The following DMXL1 variants were observed in gnomAD, a reference collection of about 807,000 sequenced individuals.
DMXL1 encodes the protein dmX-like protein 1.
DMXL1 carries 99 observed loss-of-function variants against 319.2 expected under a neutral mutation model. The ratio of observed to expected loss-of-function variants is 0.31; its 90% CI spans 0.26 to 0.37. DMXL1 has a LOEUF of 0.37. Among genes scored for constraint, DMXL1 ranks in the 10% least tolerant of loss-of-function variants. The probability of loss-of-function intolerance (pLI) is 1.00; values close to 1 mark genes in which losing one functional copy is unlikely to be tolerated. For missense variants in DMXL1, 3,745 were observed against 3,595.6 expected (o/e 1.04, Z -1.06); for synonymous variants, 1,385 against 1,235.2 (o/e 1.12, Z -2.54).
intron 34 of DMXL1, among the ~76,000 whole-genome samples, chr5:119,216,094 CAAAAAAAAAAAAAA>C (rs773591355): frequency 4.0e-4 from 15 of 37,362 alleles, no homozygotes; most frequent in African/African-American, 4.9e-4. Context: ...GCATCCATCT[CAAAAAAAAAAAAAA>C]AAAAAAAAAA....
intron 9 of DMXL1, among the ~76,000 whole-genome samples, chr5:119,124,939 C>G (rs940132219): frequency 1.3e-5 from 2 of 152,108 alleles, no homozygotes; most frequent in Non-Finnish European, 2.9e-5. Flanking sequence ...TAAGATACTT[C>G]TATTAACAGA....
chr5:119,146,131 T>C (rs1020065992), intron 15 of DMXL1, among the ~76,000 whole-genome samples: 12 of 151,942 alleles, frequency 7.9e-5, no homozygotes, highest in Non-Finnish European at 1.2e-4. Context: ...GTCTTTGTGC[T>C]CTAATAATAC....
chr5:119,093,055 T>C (rs796316127), intron 1 of DMXL1, among the ~76,000 whole-genome samples: 49 of 152,370 alleles, frequency 3.2e-4, no homozygotes, highest in African/African-American at 1.0e-3. Context: ...TCAAGTATTA[T>C]GATTTTTACA....
chr5:119,225,833 C>T (rs900381757), intron 38 of DMXL1, among the ~76,000 whole-genome samples: 5 of 151,900 alleles, frequency 3.3e-5, no homozygotes. Flanking sequence ...TATTTTTTAC[C>T]CACAAGTTTA....
intron 38 of DMXL1, among the ~76,000 whole-genome samples, chr5:119,231,370 C>G (rs1045731169): frequency 1.3e-5 from 2 of 152,120 alleles, no homozygotes; most frequent in Admixed American, 1.3e-4. Flanking sequence ...CTACCTGAGG[C>G]CTCTGACTGG....
intron 26 of DMXL1, among the ~76,000 whole-genome samples, chr5:119,176,106 C>G (rs1051472925): frequency 1.4e-4 from 21 of 151,944 alleles, no homozygotes; most frequent in Non-Finnish European, 2.5e-4. Context: ...CATTATTCAG[C>G]AATGTCCTGT....
Position 119,167,807 on chromosome 5 carries a change from G to A in DMXL1, c.5341G>A (p.Glu1781Lys). 6.2e-7 allele frequency: 1 copy of A among 1,613,578 alleles called. No homozygotes were observed. The highest frequency in any genetic ancestry group is 8.5e-7 in the Non-Finnish European group (1 of 1,179,720). The change falls in exon 23 of 44, where the codon GAA becomes AAA. Residue 1781 changes from glutamate to lysine, a missense_variant. Around this residue, in one of 4 missense-constraint regions of DMXL1, gnomAD observed 1,382 missense variants for 1,269.5 expected, o/e 1.09. Transcript: ENST00000539542. ...TCGGAGCATGGCATATTGGATTTTG[G>A]AAGATTATAGTGGTGCTCTGGAAAC... ...FLRSMAYWIL[E>K]DYSGALETLI...
chr5:119,233,694 A>G (rs1231103300), intron 39 of DMXL1, among the ~76,000 whole-genome samples: 6 of 152,152 alleles, frequency 3.9e-5, no homozygotes, highest in Admixed American at 2.6e-4. Context: ...TAATGACCAA[A>G]CGATTATAAG....
rs545254969 is a variant in DMXL1 at position 119,196,621 on chromosome 5, G to A, written c.7543+165G>A. On this transcript the variant is annotated intron_variant, in intron 31 of 43. Transcript: ENST00000539542. ...AAACCAACCATCTGTAAATGTATCCGTCATACTGTTAGGTGCTTGAGGATG... is the reference window on the plus strand; with the variant it reads ...AAACCAACCATCTGTAAATGTATCCATCATACTGTTAGGTGCTTGAGGATG... Among the ~76,000 whole-genome samples, 76 of 148,748 alleles carry A rather than the reference G, an allele frequency of 5.1e-4. 2 individuals carry two copies. In the South Asian group the frequency reaches 0.013, roughly 25 times the overall value.
chr5:119,223,004 C>G lies in DMXL1; in HGVS notation c.8278-1705C>G, dbSNP rs193137336. Among the ~76,000 whole-genome samples the G allele has an allele frequency of 9.3e-4, 140 of 150,038 alleles. 1 individual carries two copies. The highest frequency in any genetic ancestry group is 3.3e-3 in the African/African-American group (136 of 40,812). ...CCCCAGTCACCTTATATTTTATCAT[C>G]TTTATTATCCCTTGCGCTTACCAGT... is the stretch of plus-strand genomic sequence containing the variant. On this transcript the variant is annotated intron_variant, in intron 37 of 43. Transcript: ENST00000539542.
At chr5:119,151,132 G>A (rs946636954) in intron 18 of DMXL1, among the ~76,000 whole-genome samples, 1 of 151,490 alleles carries the variant, frequency 6.6e-6, no homozygotes, top group African/African-American at 2.4e-5. Context: ...TTATAATTTG[G>A]TTTTTAAAAC....
intron 15 of DMXL1, among the ~76,000 whole-genome samples, chr5:119,146,423 C>G (rs1437716694): frequency 6.6e-6 from 1 of 151,758 alleles, no homozygotes; most frequent in Non-Finnish European, 1.5e-5. Context: ...TATGGTTTGG[C>G]CATTGGATAA....
rs1265452902 is a variant in DMXL1 at position 119,202,864 on chromosome 5, C to CATATATAT, written c.7746-444_7746-437dup. 4.0e-5 allele frequency among the ~76,000 whole-genome samples: 3 copies of CATATATAT among 74,310 alleles called. No individual in the cohort carries two copies. In the South Asian group the frequency reaches 1.6e-3, roughly 39 times the overall value. 48.8% of individuals were successfully genotyped at this position (74,310 alleles called of 152,430 possible). On this transcript the variant is annotated intron_variant, in intron 32 of 43. Coordinates refer to ENST00000539542, the MANE Select transcript of DMXL1 (RefSeq NM_001290321.3). The stretch of plus-strand genomic sequence containing the variant: ...AGATTCCATCTCAAAAATATACATA[C>CATATATAT]ATATATATATATATATATTTTTATA...
chr5:119,204,145 TTATC>T lies in DMXL1; in HGVS notation c.7863+711_7863+714del, dbSNP rs1329386146. Reference sequence around the variant, plus strand: ...CCTGAAAAATTTTTATTGTATTTATTTATCTTTTTTGAGATGGAGTCTCACTCTG... The same window carrying T: ...CCTGAAAAATTTTTATTGTATTTATTTTTTTTGAGATGGAGTCTCACTCTG... On this transcript the variant is annotated intron_variant, in intron 33 of 43. Transcript: ENST00000539542. Among the ~76,000 whole-genome samples the T allele has an allele frequency of 3.3e-5, 5 of 151,964 alleles. No homozygotes were observed. In the East Asian group the frequency reaches 9.6e-4, roughly 29 times the overall value.
intron 10 of DMXL1, among the ~76,000 whole-genome samples, chr5:119,130,096 T>G (rs1043896524): frequency 6.6e-6 from 1 of 152,194 alleles, no homozygotes; most frequent in Non-Finnish European, 1.5e-5. Context: ...TTTGGTTTTT[T>G]TTTTTAAAGT....
chr5:119,217,848 T>A (rs780685956), intron 35 of DMXL1, among the ~76,000 whole-genome samples: 2 of 152,146 alleles, frequency 1.3e-5, no homozygotes, highest in African/African-American at 2.4e-5. Flanking sequence ...TTCTGTGCTA[T>A]GTCTGTCTTC....
chr5:119,125,621 A>G (rs1329174179), intron 9 of DMXL1, among the ~76,000 whole-genome samples: 8 of 152,108 alleles, frequency 5.3e-5, no homozygotes, highest in South Asian at 2.1e-4. Context: ...CTGAAGTGCA[A>G]TGGTGTGATC....
intron 9 of DMXL1, among the ~76,000 whole-genome samples, chr5:119,126,440 A>T (rs956639481): frequency 6.6e-6 from 1 of 152,306 alleles, no homozygotes; most frequent in East Asian, 1.9e-4. Context: ...TCCTCTCAAC[A>T]GTCATACCAC....
chr5:119,202,879 A>T (rs1334785279), intron 32 of DMXL1, among the ~76,000 whole-genome samples: 2 of 109,648 alleles, frequency 1.8e-5, no homozygotes, highest in Non-Finnish European at 3.9e-5. Context: ...ATATATATAT[A>T]TATTTTTATA....
Sources: allele counts gnomAD v4.1 joint callset (sites outside exome capture counted in the v4.1 genomes callset), GRCh38; gene constraint gnomAD v4.1.1; regional missense constraint gnomAD v4.1.1; transcripts MANE v1.5; gene names NCBI Gene and HGNC (gene_info 2026-07-23, HGNC 2026-07-21).